The following PARD3B variants were observed in gnomAD, a reference collection of about 807,000 sequenced individuals.
PARD3B encodes partitioning defective 3 homolog B.
A neutral mutation model predicts 130.2 loss-of-function variants in PARD3B; 103 were observed. That is an observed-to-expected ratio of 0.79 (90% confidence interval 0.67 to 0.93). The LOEUF (loss-of-function observed/expected upper bound fraction) is 0.93. Among genes scored for constraint, PARD3B ranks in the 40% least tolerant of loss-of-function variants. The pLI is 0.00. For synonymous variants in PARD3B, 583 were observed against 553.2 expected, an observed-to-expected ratio of 1.05 and a Z score of -0.76; for missense variants, 1,609 against 1,499.2, an observed-to-expected ratio of 1.07 and a Z score of -1.21.
chr2:204,632,090 C>T (rs1236375426), intron 1 of PARD3B, among the ~76,000 whole-genome samples: 1 of 151,968 alleles, frequency 6.6e-6, no homozygotes, highest in Admixed American at 6.6e-5. Flanking sequence ...GGGCAGATTT[C>T]CCATTAAAGA....
chr2:205,024,576 T>G (rs749150252), intron 3 of PARD3B, among the ~76,000 whole-genome samples: 15 of 152,222 alleles, frequency 9.9e-5, no homozygotes, highest in Non-Finnish European at 1.5e-4. Flanking sequence ...TGTGGACATT[T>G]GTCCAGATAT....
chr2:205,188,257 T>C lies in PARD3B; in HGVS notation c.2024+2394T>C, dbSNP rs921421678. The stretch of plus-strand genomic sequence containing the variant: ...GAAGTGGCGGGAAGGGCAATTTAGG[T>C]TAAGGAAACCAGGGATGGGAAAGAA... On this transcript the variant is annotated intron_variant, in intron 14 of 22. Transcript: ENST00000406610. 2.6e-5 allele frequency among the ~76,000 whole-genome samples: 4 copies of C among 151,978 alleles called. No individual in the cohort carries two copies. In the South Asian group the frequency reaches 8.3e-4, roughly 32 times the overall value.
chr2:205,580,354 C>T (rs777475494), intron 22 of PARD3B, among the ~76,000 whole-genome samples: 4 of 152,134 alleles, frequency 2.6e-5, no homozygotes, highest in Non-Finnish European at 1.5e-5. Flanking sequence ...TCCAATCTCT[C>T]GCTATCATTC....
In PARD3B at chr2:204,610,498, G is replaced by GTC. The variant is rs1313715054; in HGVS notation, c.120+64379_120+64380insTC. ...AGCCTCCCGAGTGGCTGGGATTACA[G>GTC]ATGCACACCACCATGCCCAGCTAAT... On this transcript the variant is annotated intron_variant, in intron 1 of 22. Coordinates refer to ENST00000406610, the MANE Select transcript of PARD3B (RefSeq NM_001302769.2). This position sits in a 1 kb window ranked among gnomAD's most constrained non-coding sequence, Gnocchi z 4.1. Among the ~76,000 whole-genome samples the GTC allele has an allele frequency of 6.6e-6, 1 of 152,140 alleles. No homozygotes were observed. The highest frequency in any genetic ancestry group is 1.5e-5 in the Non-Finnish European group (1 of 68,032).
At chr2:204,579,488 A>C (rs892713942) in intron 1 of PARD3B, among the ~76,000 whole-genome samples, 1 of 152,080 alleles carries the variant, frequency 6.6e-6, no homozygotes, top group African/African-American at 2.4e-5. Flanking sequence ...AAAAAGAAGT[A>C]AGTTGGGGCT....
intron 22 of PARD3B, among the ~76,000 whole-genome samples, chr2:205,579,203 G>A (rs1034745197): frequency 3.3e-5 from 5 of 152,140 alleles, no homozygotes; most frequent in Non-Finnish European, 7.4e-5. Flanking sequence ...TGGATTTTGG[G>A]AATCAAAATG....
chr2:205,424,426 T>C (rs2047074846), intron 19 of PARD3B, among the ~76,000 whole-genome samples: 1 of 152,084 alleles, frequency 6.6e-6, no homozygotes, highest in Non-Finnish European at 1.5e-5. Context: ...TGGGGATGAG[T>C]GTCCAGGGCC....
intron 16 of PARD3B, among the ~76,000 whole-genome samples, chr2:205,271,713 A>T (rs142682383): frequency 6.6e-6 from 1 of 152,190 alleles, no homozygotes; most frequent in African/African-American, 2.4e-5. Context: ...CCAAATGTGG[A>T]TTGGGAATCC....
chr2:205,217,812 ATATG>A (rs2038002835), intron 15 of PARD3B, among the ~76,000 whole-genome samples: 1 of 54,584 alleles, frequency 1.8e-5, no homozygotes, highest in East Asian at 9.6e-4. Flanking sequence ...ATGTGTGTAT[ATATG>A]TATATGTGTG....
intron 3 of PARD3B, among the ~76,000 whole-genome samples, chr2:204,998,898 G>A (rs753588689): frequency 6.6e-6 from 1 of 152,070 alleles, no homozygotes; most frequent in Non-Finnish European, 1.5e-5. Flanking sequence ...ATTTTCAGTA[G>A]AGACAAGGTT....
chr2:205,038,284 A>G (rs1478328072), intron 3 of PARD3B, among the ~76,000 whole-genome samples: 2 of 152,168 alleles, frequency 1.3e-5, no homozygotes, highest in Admixed American at 6.6e-5. Context: ...ATTTGGATTT[A>G]TTAATTCAGA....
intron 3 of PARD3B, among the ~76,000 whole-genome samples, chr2:205,028,623 CAAT>C (rs1697202393): frequency 6.6e-6 from 1 of 152,090 alleles, no homozygotes; most frequent in Admixed American, 6.6e-5. Context: ...AGGAACCAGA[CAAT>C]GATGTCCATC....
Position 204,964,682 on chromosome 2 carries a change from C to T in PARD3B, c.223-470C>T, listed in dbSNP as rs567071698. Among the ~76,000 whole-genome samples, 5 of 152,244 alleles carry T rather than the reference C, an allele frequency of 3.3e-5. No homozygotes were observed. In the South Asian group the frequency reaches 1.0e-3, roughly 32 times the overall value. On this transcript the variant is annotated intron_variant, in intron 2 of 22. Transcript: ENST00000406610. ...TATATATGTATGTAGAGTGTATCTA[C>T]AGGGACAGATACAATTAGGCATCTT...
intron 22 of PARD3B, among the ~76,000 whole-genome samples, chr2:205,613,836 A>AACGG (rs1251712015): frequency 6.6e-6 from 1 of 152,186 alleles, no homozygotes; most frequent in Non-Finnish European, 1.5e-5. Flanking sequence ...TGATTTGAGC[A>AACGG]ACTTACAGAG....
At chr2:205,541,352 T>G (rs987910589) in intron 21 of PARD3B, among the ~76,000 whole-genome samples, 6 of 149,392 alleles carry the variant, frequency 4.0e-5, no homozygotes, top group Admixed American at 1.3e-4. Flanking sequence ...ACTTTGTTTT[T>G]TTTTTTTTTT....
At chr2:205,395,178 A>C (rs992953040) in intron 18 of PARD3B, among the ~76,000 whole-genome samples, 5 of 152,006 alleles carry the variant, frequency 3.3e-5, no homozygotes, top group Non-Finnish European at 2.9e-5. Flanking sequence ...CTCCCAGCCA[A>C]CCATTACCCA....
chr2:205,476,624 G>GT (rs1240441054), intron 20 of PARD3B, among the ~76,000 whole-genome samples: 2 of 151,208 alleles, frequency 1.3e-5, no homozygotes, highest in Admixed American at 6.6e-5. Flanking sequence ...TTTTTTGTTT[G>GT]TTTTTTTGTT....
chr2:205,086,381 A>G (rs1488872607), intron 4 of PARD3B, among the ~76,000 whole-genome samples: 1 of 152,174 alleles, frequency 6.6e-6, no homozygotes, highest in African/African-American at 2.4e-5. Flanking sequence ...TTCCATGAAG[A>G]TGCACATAGA....
At chr2:204,966,805 G>T (rs1305206359) in intron 3 of PARD3B, among the ~76,000 whole-genome samples, 6 of 152,082 alleles carry the variant, frequency 3.9e-5, no homozygotes, top group African/African-American at 1.4e-4. Flanking sequence ...TATGATTTTT[G>T]ATAAGTCAGA....
Sources: allele counts gnomAD v4.1 joint callset (sites outside exome capture counted in the v4.1 genomes callset), GRCh38; gene constraint gnomAD v4.1.1; non-coding constraint Gnocchi (gnomAD v3.1); transcripts MANE v1.5; gene names NCBI Gene and HGNC (gene_info 2026-07-23, HGNC 2026-07-21).